Variants in RGS6 observed in about 807,000 individuals in gnomAD.
RGS6 encodes the protein regulator of G-protein signaling 6.
In RGS6, 30 loss-of-function variants were observed where a neutral mutation model predicts 78.5. That is an observed-to-expected ratio of 0.38 (90% CI 0.29 to 0.52). The LOEUF (loss-of-function observed/expected upper bound fraction) is 0.52, where lower values mean the gene tolerates loss of function less well. RGS6 is among the 20% of genes least tolerant of loss of function. The pLI is 0.85. For missense variants in RGS6, 495 were observed against 609.7 expected, an observed-to-expected ratio of 0.81 and a Z score of 1.98; for synonymous variants, 206 against 206.0, an observed-to-expected ratio of 1.00 and a Z score of 0.00.
the RGS6 span, among the ~76,000 whole-genome samples, chr14:71,890,483 C>T: frequency 0.3 from 46,015 of 151,910 alleles, 10,077 homozygotes; most frequent in African/African-American, 0.62. Context: ...GTTAGGCCAA[C>T]TGTCAGATGC....
intron 3 of RGS6, among the ~76,000 whole-genome samples, chr14:72,370,803 T>G (rs182080266): frequency 1.3e-5 from 2 of 152,334 alleles, no homozygotes. Flanking sequence ...CACTTTTCTG[T>G]TTGTATAATA....
chr14:72,354,487 A>AAG (rs35911957), intron 3 of RGS6, among the ~76,000 whole-genome samples: 12 of 148,034 alleles, frequency 8.1e-5, no homozygotes, highest in Non-Finnish European at 1.6e-4. Context: ...AAAAAAAAAA[A>AAG]TAGCTGGGTG....
intron 2 of RGS6, among the ~76,000 whole-genome samples, chr14:71,982,669 C>T (rs1215101745): frequency 6.6e-6 from 1 of 152,190 alleles, no homozygotes; most frequent in East Asian, 1.9e-4. Flanking sequence ...GCTTCTTGAT[C>T]ATGCCTTTTG....
intron 4 of RGS6, among the ~76,000 whole-genome samples, chr14:72,455,616 C>T (rs991284653): frequency 2.0e-5 from 3 of 152,168 alleles, no homozygotes; most frequent in Admixed American, 6.5e-5. Context: ...TTTTCACCCC[C>T]TTGATTAGTG....
At chr14:72,228,020 G>T (rs769791043) in intron 2 of RGS6, among the ~76,000 whole-genome samples, 2 of 152,182 alleles carry the variant, frequency 1.3e-5, no homozygotes, top group Non-Finnish European at 2.9e-5. Context: ...TGATGAATAA[G>T]TAGGATTCCC....
At chr14:72,312,324 A>G (rs2068845547) in intron 2 of RGS6, among the ~76,000 whole-genome samples, 1 of 151,618 alleles carries the variant, frequency 6.6e-6, no homozygotes, top group South Asian at 2.1e-4. Context: ...TCCAGAAGAA[A>G]TTCTCATGCA....
At chr14:72,443,057 G>A (rs1460657207) in intron 3 of RGS6, among the ~76,000 whole-genome samples, 1 of 152,214 alleles carries the variant, frequency 6.6e-6, no homozygotes, top group Non-Finnish European at 1.5e-5. Context: ...GGCCTGGGGA[G>A]ATGGGGCAGA....
intron 2 of RGS6, among the ~76,000 whole-genome samples, chr14:72,012,198 A>G (rs1311387533): frequency 3.3e-5 from 5 of 152,204 alleles, no homozygotes; most frequent in African/African-American, 1.2e-4. Flanking sequence ...TTTTGTAGAG[A>G]ACATTTAAAA....
intron 2 of RGS6, among the ~76,000 whole-genome samples, chr14:72,261,050 T>C (rs1354531413): frequency 6.6e-6 from 1 of 151,966 alleles, no homozygotes; most frequent in Non-Finnish European, 1.5e-5. Flanking sequence ...GATGTGTGTT[T>C]TGGGGGAGGG....
intron 2 of RGS6, among the ~76,000 whole-genome samples, chr14:72,066,028 G>A (rs985933335): frequency 1.3e-5 from 2 of 149,112 alleles, no homozygotes; most frequent in South Asian, 4.2e-4. Context: ...CCTGTTGATT[G>A]ATGTTAACTA....
chr14:72,031,246 G>A (rs1283528144), intron 2 of RGS6, among the ~76,000 whole-genome samples: 3 of 152,090 alleles, frequency 2.0e-5, no homozygotes, highest in African/African-American at 7.2e-5. Context: ...TTACCCATTA[G>A]TGATAATCCA....
chr14:71,971,875 T>C (rs1018885276), intron 2 of RGS6, among the ~76,000 whole-genome samples: 1 of 149,100 alleles, frequency 6.7e-6, no homozygotes, highest in Non-Finnish European at 1.5e-5. Context: ...ATGACACGTG[T>C]CTCTCCATAT....
chr14:72,542,334 T>C (rs2097338079), intron 17 of RGS6, among the ~76,000 whole-genome samples: 1 of 152,160 alleles, frequency 6.6e-6, no homozygotes, highest in African/African-American at 2.4e-5. Context: ...AGGAATCTGG[T>C]CTCAACAGCC....
intron 6 of RGS6, among the ~76,000 whole-genome samples, chr14:72,459,990 A>C (rs1481134627): frequency 1.3e-5 from 2 of 152,162 alleles, no homozygotes; most frequent in African/African-American, 4.8e-5. Context: ...ACACTATCAG[A>C]TGGTGACTTT....
rs1599224479 is a variant in RGS6, at chr14:72,562,414, C to T, written c.1423-3C>T. On this transcript the variant is annotated splice_region_variant and splice_polypyrimidine_tract_variant and intron_variant, in intron 17 of 17. Transcript: ENST00000553525. Reference sequence around the variant, plus strand: ...GTGCCTCTCTGTCGCTGTCTCTCTGCAGGGAAAGTCGCTGGCGGGCAAGCG... The same window carrying T: ...GTGCCTCTCTGTCGCTGTCTCTCTGTAGGGAAAGTCGCTGGCGGGCAAGCG... 1 of 1,612,518 alleles carries T rather than the reference C, an allele frequency of 6.2e-7. No homozygotes were observed. Among genetic ancestry groups the T allele is most frequent in the African/African-American group, 1.3e-5 (1 of 74,954 alleles).
the RGS6 span, among the ~76,000 whole-genome samples, chr14:72,575,290 G>A: frequency 6.6e-6 from 1 of 152,150 alleles, no homozygotes. Flanking sequence ...GGCAACCAGG[G>A]ATTGTGTAGG....
the RGS6 span, among the ~76,000 whole-genome samples, chr14:71,875,702 G>T: frequency 6.6e-6 from 1 of 152,060 alleles, no homozygotes; most frequent in African/African-American, 2.4e-5. Context: ...GAATGTGTTT[G>T]CTCTTGCTTC....
intron 2 of RGS6, among the ~76,000 whole-genome samples, chr14:72,321,367 C>T (rs1166354672): frequency 1.3e-5 from 2 of 151,466 alleles, no homozygotes; most frequent in Non-Finnish European, 2.9e-5. Context: ...TTTCTCATAT[C>T]AACAAATAAA....
rs546633481 is a variant in RGS6, at chr14:72,480,170, G to C, written c.854+1841G>C. 2.0e-5 allele frequency among the ~76,000 whole-genome samples: 3 copies of C among 152,288 alleles called. No homozygotes were observed. In the South Asian group the frequency reaches 6.2e-4, roughly 32 times the overall value. On this transcript the variant is annotated intron_variant, in intron 12 of 17. Transcript: ENST00000553525. ...GATAATCTTCAAGTGGACTGATCTG[G>C]TCTTTCAGGATCCGGTGAAGCCATT... is the stretch of plus-strand genomic sequence containing the variant.
Sources: gnomAD v4.1 joint callset for allele counts (sites outside exome capture counted in the v4.1 genomes callset) on GRCh38, gnomAD v4.1.1 for gene constraint, MANE v1.5 for transcripts, NCBI Gene and HGNC (gene_info 2026-07-23, HGNC 2026-07-21) for gene names.